Variants in SMC3 observed in about 807,000 individuals in gnomAD.
SMC3 encodes structural maintenance of chromosomes 3, also known as structural maintenance of chromosomes protein 3.
Under a neutral mutation model 171.8 loss-of-function variants are expected in SMC3, and 20 were observed. The ratio of observed to expected loss-of-function variants is 0.12; its 90% CI spans 0.08 to 0.17. The LOEUF (loss-of-function observed/expected upper bound fraction) is 0.17, where lower values mean the gene tolerates loss of function less well. Among genes scored for constraint, SMC3 ranks in the 10% least tolerant of loss-of-function variants. The pLI, the probability that SMC3 is intolerant of heterozygous loss-of-function variation, is 1.00. For missense variants in SMC3, 543 were observed against 1,420.4 expected, an observed-to-expected ratio of 0.38 and a Z score of 9.93; for synonymous variants, 464 against 451.1, an observed-to-expected ratio of 1.03 and a Z score of -0.36.
intron 7 of SMC3, among the ~76,000 whole-genome samples, chr10:110,579,571 T>C (rs1463408251): frequency 6.6e-6 from 1 of 152,196 alleles, no homozygotes; most frequent in Non-Finnish European, 1.5e-5. Context: ...TTAATCTGTT[T>C]TATTTTTCTT....
chr10:110,582,351 G>A (rs918101566), intron 9 of SMC3, among the ~76,000 whole-genome samples: 4 of 65,840 alleles, frequency 6.1e-5, no homozygotes, highest in Non-Finnish European at 1.5e-4. Flanking sequence ...CATTTTGAAG[G>A]CTTCTTGTAG....
rs1235276674 is a variant in SMC3, at chr10:110,605,161, C to T, written c.*859C>T. 1.3e-5 allele frequency among the ~76,000 whole-genome samples: 2 copies of T among 152,154 alleles called. No individual in the cohort carries two copies. Among genetic ancestry groups the T allele is most frequent in the Non-Finnish European group, 2.9e-5 (2 of 68,004 alleles). ...TACATATTATTAACATGTTTTATCA[C>T]TGATGTTTACCTTGATCACCTACCC... On this transcript the variant is annotated 3_prime_UTR_variant, in exon 29 of 29. Transcript: ENST00000361804.
At position 110,577,849 on chromosome 10, in the gene SMC3, A is replaced by G. The variant is rs548619486; in HGVS notation, c.285A>G (p.Glu95=). Residue 95 remains glutamate (E), a synonymous_variant, in exon 6 of 29, where the codon GAA becomes GAG. Transcript: ENST00000361804. Reference sequence around the variant, plus strand: ...TTTTTTCTTAGATCGATAAAGAGGAAGTTTCACTTCGAAGAGTTATTGGTG... The same window carrying G: ...TTTTTTCTTAGATCGATAAAGAGGAGGTTTCACTTCGAAGAGTTATTGGTG... ...SDNRLPIDKE[E]VSLRRVIGAK... is the part of the protein sequence containing the mutation. 1.1e-5 allele frequency: 18 copies of G among 1,610,562 alleles called. No individual in the cohort carries two copies. Among genetic ancestry groups the G allele is most frequent in the Admixed American group, 1.7e-5 (1 of 59,984 alleles).
intron 4 of SMC3, 89 bp from the exon 5 acceptor site, chr10:110,577,332 C>T (rs571601559): frequency 8.9e-5 from 86 of 970,280 alleles, no homozygotes; most frequent in Middle Eastern, 4.2e-4. Context: ...TTGAATCAGA[C>T]TTGTTATTAT....
chr10:110,601,308 T>A (rs969956532), intron 23 of SMC3, among the ~76,000 whole-genome samples, 178 bp downstream of exon 23: 41 of 152,344 alleles, frequency 2.7e-4, no homozygotes, highest in Admixed American at 6.5e-4. Flanking sequence ...TTTGTTTTAC[T>A]GAAATGTTTA....
At chr10:110,585,021 T>C (rs986680971) in intron 13 of SMC3, among the ~76,000 whole-genome samples, 2 of 152,134 alleles carry the variant, frequency 1.3e-5, no homozygotes, top group African/African-American at 4.8e-5. Flanking sequence ...TTGGTAACTT[T>C]TTTTTTTTGA....
At position 110,581,984 on chromosome 10, in the gene SMC3, A is replaced by G; in HGVS notation, c.609A>G (p.Leu203=). The G allele has an allele frequency of 6.2e-7, 1 of 1,613,554 alleles. No individual in the cohort carries two copies. The highest frequency in any genetic ancestry group is 8.5e-7 in the Non-Finnish European group (1 of 1,179,544). ...ACATTGAAGAGAGATTACATACTCT[A>G]GAGGAAGAAAAGGAAGAACTAGCTC... ...LKYIEERLHT[L]EEEKEELAQY... is the part of the protein sequence containing the mutation. Residue 203 remains leucine (L), a synonymous_variant, in exon 9 of 29, where the codon CTA becomes CTG. Coordinates refer to ENST00000361804, the MANE Select transcript of SMC3 (RefSeq NM_005445.4).
chr10:110,584,468 A>G (rs1054718914), intron 13 of SMC3, 72 bp downstream of exon 13: 29 of 1,093,572 alleles, frequency 2.7e-5, no homozygotes, highest in Middle Eastern at 3.0e-4. Flanking sequence ...ATCTACTTCA[A>G]GTTTTCTTTT....
rs530164985 is a variant in SMC3, at chr10:110,578,496, C to G, written c.351-132C>G. Reference sequence around the variant, plus strand: ...GGATAAACATAAGAATCAGAAAGTTCTGAGGATGATACAGATGGTTTAATT... The same window carrying G: ...GGATAAACATAAGAATCAGAAAGTTGTGAGGATGATACAGATGGTTTAATT... On this transcript the variant is annotated intron_variant, in intron 6 of 28. Transcript: ENST00000361804. 3.5e-5 allele frequency: 24 copies of G among 676,600 alleles called. No individual in the cohort carries two copies. In the African/African-American group the frequency reaches 4.3e-4, roughly 12 times the overall value. The allele number at this position is 676,600 out of a possible 1,614,324, so 41.9% of individuals were successfully genotyped here. A position where few individuals can be genotyped will look rare whatever the true frequency, so the allele number is the denominator to read the frequency against.
At chr10:110,603,311 G>A (rs748939419) in intron 28 of SMC3, 21 bp downstream of exon 28, 90 of 1,363,234 alleles carry the variant, frequency 6.6e-5, no homozygotes, top group Non-Finnish European at 7.8e-5. Context: ...TTTACATTGA[G>A]TTTAAGTTTG....
Position 110,601,112 on chromosome 10 carries a change from A to G in SMC3, c.2626A>G (p.Thr876Ala), listed in dbSNP as rs1453713148. 1.9e-6 allele frequency: 3 copies of G among 1,613,194 alleles called. No individual in the cohort carries two copies. Among genetic ancestry groups the G allele is most frequent in the Non-Finnish European group, 2.5e-6 (3 of 1,179,270 alleles). The change falls in exon 23 of 29, where the codon ACT becomes GCT. Residue 876 changes from threonine to alanine, a missense_variant. Physicochemically the swap from Thr to Ala is moderately conservative, Grantham distance 58. This residue lies in a region of SMC3 where 81 missense variants were observed against 184.2 expected (regional missense o/e 0.44). Coordinates refer to ENST00000361804, the MANE Select transcript of SMC3 (RefSeq NM_005445.4). ...LEAINKRVKD[T>A]MARSEDLDNS... ...AGCCATCAATAAAAGAGTAAAAGACACTATGGCACGATCAGAAGGTGAATT... is the reference window on the plus strand; with the variant it reads ...AGCCATCAATAAAAGAGTAAAAGACGCTATGGCACGATCAGAAGGTGAATT...
chr10:110,595,483 G>C (rs1861285013), intron 18 of SMC3, among the ~76,000 whole-genome samples: 1 of 152,200 alleles, frequency 6.6e-6, no homozygotes, highest in East Asian at 1.9e-4. Context: ...ATCACCTGCA[G>C]ATCTCTCCGT....
At chr10:110,599,144 C>T (rs980577756) in intron 20 of SMC3, among the ~76,000 whole-genome samples, 2 of 152,118 alleles carry the variant, frequency 1.3e-5, no homozygotes, top group African/African-American at 4.8e-5. Context: ...ATCGCCCAGG[C>T]TGGAGTGCAA....
intron 2 of SMC3, among the ~76,000 whole-genome samples, chr10:110,572,500 G>T (rs2134712427): frequency 6.6e-6 from 1 of 152,248 alleles, no homozygotes; most frequent in Non-Finnish European, 1.5e-5. Context: ...TGAGAATTAA[G>T]ACATAAGTGA....
chr10:110,591,936 A>G (rs558435792), intron 17 of SMC3, among the ~76,000 whole-genome samples: 7 of 152,268 alleles, frequency 4.6e-5, no homozygotes, highest in African/African-American at 1.4e-4. Context: ...AAAGGAGTAC[A>G]TGGAGCGTGG....
intron 2 of SMC3, among the ~76,000 whole-genome samples, chr10:110,569,414 C>T (rs1267022367): frequency 2.0e-5 from 3 of 152,046 alleles, no homozygotes; most frequent in Admixed American, 2.0e-4. Flanking sequence ...TAAGGACAGA[C>T]CATGTAGCTA....
At chr10:110,599,614 G>C in intron 20 of SMC3, 40 bp from the exon 21 acceptor site, 1 of 1,579,124 alleles carries the variant, frequency 6.3e-7, no homozygotes, top group Non-Finnish European at 8.7e-7. Flanking sequence ...AAGTAATACA[G>C]TGGCTAATAC....
At chr10:110,568,090 T>C (rs1009214958) in intron 1 of SMC3, among the ~76,000 whole-genome samples, 12 of 151,708 alleles carry the variant, frequency 7.9e-5, no homozygotes, top group Non-Finnish European at 1.0e-4. Context: ...CCGAGAGGTG[T>C]GGAAGGGCCG....
chr10:110,592,992 T>G, intron 17 of SMC3, 81 bp from the exon 18 acceptor site: 1 of 1,180,238 alleles, frequency 8.5e-7, no homozygotes, highest in Non-Finnish European at 1.3e-6. Context: ...TTATTTGTAT[T>G]TCATAAAGAT....
Sources: allele counts gnomAD v4.1 joint callset (sites outside exome capture counted in the v4.1 genomes callset), GRCh38; gene constraint gnomAD v4.1.1; regional missense constraint gnomAD v4.1.1; transcripts MANE v1.5; gene names NCBI Gene and HGNC (gene_info 2026-07-23, HGNC 2026-07-21).